ERICH3: variants seen among roughly 807,000 people sequenced by gnomAD.
The protein encoded by ERICH3 is glutamate-rich protein 3.
Under a neutral mutation model 131.1 loss-of-function variants are expected in ERICH3, and 126 were observed. That is an observed-to-expected ratio of 0.96 (90% CI 0.83 to 1.11). The LOEUF (loss-of-function observed/expected upper bound fraction) is 1.11, where lower values mean the gene tolerates loss of function less well. Among genes scored for constraint, ERICH3 ranks in the 50% most tolerant of loss-of-function variants. ERICH3 has a pLI of 0.00. For synonymous variants in ERICH3, 695 were observed against 644.6 expected, an observed-to-expected ratio of 1.08 and a Z score of -1.18; for missense variants, 2,050 against 1,810.7, an observed-to-expected ratio of 1.13 and a Z score of -2.40.
chr1:74,670,513 G>A (rs1040580003), intron 1 of ERICH3, among the ~76,000 whole-genome samples: 8 of 152,166 alleles, frequency 5.3e-5, no homozygotes, highest in Non-Finnish European at 8.8e-5. Flanking sequence ...AAATTGTGAC[G>A]ATTTCATGAA....
At chr1:74,589,431 A>T in intron 12 of ERICH3, 200 bp downstream of exon 12, 2 of 607,218 alleles carry the variant, frequency 3.3e-6, no homozygotes, top group Non-Finnish European at 5.8e-6. Flanking sequence ...ATTATCGAGT[A>T]ATTTTTTAAG....
chr1:74,651,356 A>G (rs1169385507), intron 1 of ERICH3, among the ~76,000 whole-genome samples: 1 of 152,134 alleles, frequency 6.6e-6, no homozygotes, highest in Non-Finnish European at 1.5e-5. Flanking sequence ...AGACATATGA[A>G]CAACTGCAAA....
At chr1:74,641,608 T>C in intron 4 of ERICH3, 149 bp from the exon 5 acceptor site, 3 of 926,242 alleles carry the variant, frequency 3.2e-6, no homozygotes, top group Middle Eastern at 3.3e-4. Context: ...GGTGTGGTGG[T>C]AAGGCAAGAA....
intron 9 of ERICH3, among the ~76,000 whole-genome samples, chr1:74,608,924 G>GGCTGCGTAAAGGCTTTGAT (rs1648526541): frequency 6.6e-6 from 1 of 151,948 alleles, no homozygotes; most frequent in South Asian, 2.1e-4. Flanking sequence ...TTTATGTTGT[G>GGCTGCGTAAAGGCTTTGAT]GCTGCGTAAA....
chr1:74,575,299 G>A (rs1282883616), intron 13 of ERICH3, among the ~76,000 whole-genome samples: 2 of 152,214 alleles, frequency 1.3e-5, no homozygotes, highest in Non-Finnish European at 2.9e-5. Context: ...CTTAAAATGT[G>A]TTTGGAAGGT....
Position 74,673,449 on chromosome 1 carries a change from T to G in ERICH3, c.23+48A>C, listed in dbSNP as rs747155063. ...GGAGGGAGGAGGAGGGGCAGCTGGC[T>G]GAAGCCGCCACCTGCCACAGCGTGG... is the stretch of plus-strand genomic sequence containing the variant. On this transcript the variant is annotated intron_variant, in intron 1 of 14. Transcript: ENST00000326665. 12 of 1,606,470 alleles carry G rather than the reference T, an allele frequency of 7.5e-6. No individual in the cohort carries two copies. In the Admixed American group the frequency reaches 8.4e-5, roughly 11 times the overall value.
chr1:74,586,725 G>A (rs910520127), intron 12 of ERICH3, among the ~76,000 whole-genome samples: 1 of 152,074 alleles, frequency 6.6e-6, no homozygotes, highest in Middle Eastern at 3.2e-3. Flanking sequence ...GCTAAATTAT[G>A]AGAAAACCAC....
intron 12 of ERICH3, chr1:74,586,636 T>A (rs1647342050): frequency 4.4e-6 from 2 of 457,294 alleles, no homozygotes. Context: ...TTTGAAATAA[T>A]CTTAGTAATA....
At chr1:74,628,228 C>T (rs915670488) in intron 7 of ERICH3, among the ~76,000 whole-genome samples, 1 of 152,144 alleles carries the variant, frequency 6.6e-6, no homozygotes, top group African/African-American at 2.4e-5. Flanking sequence ...TATTTTCCAT[C>T]GTGTTTAGCG....
intron 10 of ERICH3, among the ~76,000 whole-genome samples, chr1:74,602,900 T>C (rs1417713238): frequency 6.6e-6 from 1 of 151,980 alleles, no homozygotes; most frequent in Non-Finnish European, 1.5e-5. Flanking sequence ...CATCCCAAGA[T>C]AAGACAAAGA....
chr1:74,577,242 A>AAAT, intron 12 of ERICH3: 1 of 109,898 alleles, frequency 9.1e-6, no homozygotes, highest in Non-Finnish European at 1.6e-5. Flanking sequence ...TCCTTAGTTG[A>AAAT]AAGAAAAAAA....
intron 11 of ERICH3, among the ~76,000 whole-genome samples, chr1:74,594,550 A>G (rs748167102): frequency 2.4e-4 from 36 of 152,104 alleles, no homozygotes; most frequent in Non-Finnish European, 4.6e-4. Flanking sequence ...GCAATGTTCT[A>G]CAAGAAAACA....
At chr1:74,627,888 A>G (rs946201141) in intron 7 of ERICH3, among the ~76,000 whole-genome samples, 3 of 152,198 alleles carry the variant, frequency 2.0e-5, no homozygotes, top group Admixed American at 6.6e-5. Flanking sequence ...TTACTACCAT[A>G]AAATACACAC....
At chr1:74,636,115 GAGTA>G (rs1433556009) in intron 6 of ERICH3, among the ~76,000 whole-genome samples, 161 bp downstream of exon 6, 1 of 152,068 alleles carries the variant, frequency 6.6e-6, no homozygotes, top group Non-Finnish European at 1.5e-5. Flanking sequence ...CTTCCCATTT[GAGTA>G]AGACATAATT....
At position 74,646,782 on chromosome 1, in the gene ERICH3, C is replaced by A; in HGVS notation, c.128G>T (p.Ser43Ile). The change falls in exon 3 of 15, where the codon AGT becomes ATT. Residue 43 changes from serine to isoleucine, a missense_variant. Coordinates refer to ENST00000326665, the MANE Select transcript of ERICH3 (RefSeq NM_001002912.5). ...TTCTTTTTCAGAAAGTATTCTTCCACTTCTTGTGATCTGTCATGAATAAAT... is the reference window on the plus strand; with the variant it reads ...TTCTTTTTCAGAAAGTATTCTTCCAATTCTTGTGATCTGTCATGAATAAAT... ...HLLRSGLITR[S>I]GRILSEKEYK... 6.8e-7 allele frequency: 1 copy of A among 1,472,934 alleles called. No homozygotes were observed. Among genetic ancestry groups the A allele is most frequent in the Non-Finnish European group, 9.2e-7 (1 of 1,083,568 alleles). 91.2% of individuals were successfully genotyped at this position (1,472,934 alleles called of 1,614,324 possible). A position where few individuals can be genotyped will look rare whatever the true frequency, so the allele number is the denominator to read the frequency against.
At chr1:74,601,331 A>G (rs557368938) in intron 10 of ERICH3, among the ~76,000 whole-genome samples, 160 of 151,936 alleles carry the variant, frequency 1.1e-3, no homozygotes, top group African/African-American at 3.7e-3. Flanking sequence ...TATGATTAAG[A>G]GGATAAAATT....
intron 7 of ERICH3, chr1:74,623,452 T>C (rs699856): frequency 0.68 from 103,042 of 152,086 alleles, 35,783 homozygotes; most frequent in African/African-American, 0.83. Context: ...TAGTGTTGGG[T>C]AATAACTCCT....
At chr1:74,577,852 T>A (rs1647096794) in intron 12 of ERICH3, among the ~76,000 whole-genome samples, 1 of 152,238 alleles carries the variant, frequency 6.6e-6, no homozygotes, top group African/African-American at 2.4e-5. Flanking sequence ...ATGACACCAA[T>A]CATCACTGCT....
intron 1 of ERICH3, among the ~76,000 whole-genome samples, chr1:74,663,623 A>G (rs1175441526): frequency 1.3e-5 from 1 of 75,318 alleles, no homozygotes; most frequent in Non-Finnish European, 2.5e-5. Flanking sequence ...GATTTTTGTT[A>G]AAAAAAAAAA....
Sources: allele counts gnomAD v4.1 joint callset (sites outside exome capture counted in the v4.1 genomes callset), GRCh38; gene constraint gnomAD v4.1.1; transcripts MANE v1.5; gene names NCBI Gene and HGNC (gene_info 2026-07-23, HGNC 2026-07-21).